Variants in ATP6V1B2 observed in about 807,000 individuals in gnomAD.
ATP6V1B2 encodes V-type proton ATPase subunit B, brain isoform.
A neutral mutation model predicts 66.7 loss-of-function variants in ATP6V1B2; 23 were observed. The observed-to-expected ratio is 0.34, with a 90% CI of 0.25 to 0.49. The LOEUF (loss-of-function observed/expected upper bound fraction) is 0.49. Among genes scored for constraint, ATP6V1B2 ranks in the 20% least tolerant of loss-of-function variants. The probability of loss-of-function intolerance (pLI) is 0.99; values close to 1 mark genes in which losing one functional copy is unlikely to be tolerated. For synonymous variants in ATP6V1B2, 278 were observed against 236.7 expected (o/e 1.17, Z -1.60); for missense variants, 478 against 650.8 (o/e 0.73, Z 2.89).
intron 1 of ATP6V1B2, among the ~76,000 whole-genome samples, chr8:20,203,767 A>T (rs2072709947): frequency 6.6e-6 from 1 of 152,110 alleles, no homozygotes; most frequent in Non-Finnish European, 1.5e-5. Flanking sequence ...TTAGCTGTTT[A>T]TTCCTAGGGC....
chr8:20,199,999 T>C (rs887782697), intron 1 of ATP6V1B2, among the ~76,000 whole-genome samples: 3 of 67,842 alleles, frequency 4.4e-5, no homozygotes, highest in African/African-American at 7.8e-5. Flanking sequence ...AGTTATTGTG[T>C]GTGTGTGTGT....
intron 13 of ATP6V1B2, among the ~76,000 whole-genome samples, 197 bp from the exon 14 acceptor site, chr8:20,220,066 C>G (rs1158806517): frequency 2.0e-5 from 3 of 152,156 alleles, no homozygotes; most frequent in Non-Finnish European, 4.4e-5. Flanking sequence ...GCCGCCTCTT[C>G]CCTCTTCTCT....
chr8:20,220,187 T>C, intron 13 of ATP6V1B2, 76 bp from the exon 14 acceptor site: 14 of 1,497,914 alleles, frequency 9.3e-6, no homozygotes, highest in Non-Finnish European at 7.2e-6. Context: ...CTGCTAGTCA[T>C]ATAACAATAC....
chr8:20,200,084 C>T lies in ATP6V1B2; in HGVS notation c.136+2542C>T, dbSNP rs142660610. 3.7e-4 allele frequency among the ~76,000 whole-genome samples: 57 copies of T among 152,096 alleles called. No individual in the cohort carries two copies. In the East Asian group the frequency reaches 9.7e-3, roughly 26 times the overall value. On this transcript the variant is annotated intron_variant, in intron 1 of 13. Coordinates refer to ENST00000276390, the MANE Select transcript of ATP6V1B2 (RefSeq NM_001693.4). Reference sequence around the variant, plus strand: ...GTGGTGTGAGCTCAGGTCACTGCAACCTCCACATCTCAGGCTCAAGCGATC... The same window carrying T: ...GTGGTGTGAGCTCAGGTCACTGCAATCTCCACATCTCAGGCTCAAGCGATC...
chr8:20,211,827 C>T lies in ATP6V1B2; in HGVS notation c.705+74C>T, dbSNP rs945760052. ...CGTGAGAACATTGTAGTAAGCTGTA[C>T]ATATATAGTTGAATTTTTCTTTAGG... On this transcript the variant is annotated intron_variant, in intron 7 of 13. Transcript: ENST00000276390. 1.3e-5 allele frequency: 16 copies of T among 1,193,122 alleles called. No individual in the cohort carries two copies. In the African/African-American group the frequency reaches 2.5e-4, roughly 19 times the overall value. 73.9% of individuals were successfully genotyped at this position (1,193,122 alleles called of 1,614,324 possible). A position where few individuals can be genotyped will look rare whatever the true frequency, so the allele number is the denominator to read the frequency against.
At chr8:20,214,559 A>G (rs575700274) in intron 9 of ATP6V1B2, 31 of 280,156 alleles carry the variant, frequency 1.1e-4, no homozygotes, top group South Asian at 5.9e-4. Context: ...ATTTTCTTCT[A>G]GCAAACTATT....
intron 1 of ATP6V1B2, among the ~76,000 whole-genome samples, chr8:20,202,295 G>C (rs2072695857): frequency 6.6e-6 from 1 of 152,198 alleles, no homozygotes; most frequent in African/African-American, 2.4e-5. Flanking sequence ...TACACATTCA[G>C]ATCCTTGGGC....
chr8:20,204,531 C>A lies in ATP6V1B2; in HGVS notation c.184C>A (p.His62Asn). 1 of 1,611,044 alleles carries A rather than the reference C, an allele frequency of 6.2e-7. No homozygotes were observed. Among genetic ancestry groups the A allele is most frequent in the Non-Finnish European group, 8.5e-7 (1 of 1,177,430 alleles). ...GVNGPLVILDHVKFPRYAEIV... is the reference protein window; with the variant it reads ...GVNGPLVILDNVKFPRYAEIV... The stretch of plus-strand genomic sequence containing the variant: ...CAATGGTCCACTAGTGATCTTAGAT[C>A]ATGTTAAGGTAATACCACTATCTGT... The change falls in exon 2 of 14, where the codon CAT (histidine) becomes AAT (asparagine). Residue 62 changes from histidine (H) to asparagine (N), a missense_variant. Coordinates refer to ENST00000276390, the MANE Select transcript of ATP6V1B2 (RefSeq NM_001693.4).
chr8:20,208,444 A>G (rs988238624), intron 2 of ATP6V1B2, among the ~76,000 whole-genome samples: 2 of 152,228 alleles, frequency 1.3e-5, no homozygotes, highest in Non-Finnish European at 2.9e-5. Context: ...ACACAAAATA[A>G]TGATGCATCT....
intron 9 of ATP6V1B2, 49 bp from the exon 10 acceptor site, chr8:20,214,769 G>A: frequency 6.6e-7 from 1 of 1,523,670 alleles, no homozygotes; most frequent in Middle Eastern, 2.2e-4. Context: ...TTGTAAGCAA[G>A]CTTGTTGTAA....
Position 20,206,635 on chromosome 8 carries a change from C to G in ATP6V1B2, c.192+2096C>G, listed in dbSNP as rs576047636. Among the ~76,000 whole-genome samples the G allele has an allele frequency of 1.8e-4, 27 of 152,252 alleles. No individual in the cohort carries two copies. The East Asian group carries it at 4.6e-3, about 26-fold the overall frequency. ...GAGTCCCGAGCACAGAAGCTTCTGT[C>G]CCCGTGGAGCTGGGGTGGACCACCT... On this transcript the variant is annotated intron_variant, in intron 2 of 13. Transcript: ENST00000276390.
At chr8:20,203,716 G>A (rs1386240331) in intron 1 of ATP6V1B2, among the ~76,000 whole-genome samples, 1 of 152,174 alleles carries the variant, frequency 6.6e-6, no homozygotes, top group Admixed American at 6.5e-5. Flanking sequence ...CCATGCAGGT[G>A]TGATAGGTGA....
intron 1 of ATP6V1B2, among the ~76,000 whole-genome samples, chr8:20,201,568 T>C (rs2072687987): frequency 6.6e-6 from 1 of 152,166 alleles, no homozygotes; most frequent in South Asian, 2.1e-4. Flanking sequence ...CTCCATACTT[T>C]TTAATTGTAC....
In ATP6V1B2 at chr8:20,209,384, G is replaced by A. The variant is rs138805885; in HGVS notation, c.193-49G>A. The stretch of plus-strand genomic sequence containing the variant: ...GAGACAGAGCATGTGTAGTAATTTG[G>A]GGGGCTTGTAAAATGTCGGATATTG... On this transcript the variant is annotated intron_variant, in intron 2 of 13. Coordinates refer to ENST00000276390, the MANE Select transcript of ATP6V1B2 (RefSeq NM_001693.4). The A allele has an allele frequency of 3.2e-6, 5 of 1,549,816 alleles. No homozygotes were observed. The Admixed American group carries it at 6.7e-5, about 21-fold the overall frequency.
intron 9 of ATP6V1B2, 138 bp downstream of exon 9, chr8:20,213,043 GA>G: frequency 8.3e-7 from 1 of 1,199,968 alleles, no homozygotes; most frequent in South Asian, 1.4e-5. Flanking sequence ...TAATAAATCA[GA>G]AAGGAAACTA....
intron 1 of ATP6V1B2, among the ~76,000 whole-genome samples, chr8:20,197,793 A>G (rs1453753030): frequency 3.3e-5 from 5 of 151,332 alleles, no homozygotes; most frequent in Non-Finnish European, 5.9e-5. Flanking sequence ...CTGTTGCCCT[A>G]CCCCCTCCCC....
At chr8:20,209,191 T>G (rs2072767939) in intron 2 of ATP6V1B2, among the ~76,000 whole-genome samples, 1 of 152,156 alleles carries the variant, frequency 6.6e-6, no homozygotes, top group African/African-American at 2.4e-5. Flanking sequence ...AATTCCCATG[T>G]TTTCATGGAT....
intron 1 of ATP6V1B2, among the ~76,000 whole-genome samples, chr8:20,199,006 G>C (rs1267722518): frequency 2.6e-5 from 4 of 152,192 alleles, no homozygotes; most frequent in Non-Finnish European, 4.4e-5. Context: ...AGAACAGATA[G>C]ACATTAGTGG....
chr8:20,214,609 CT>C, intron 9 of ATP6V1B2: 1 of 438,166 alleles, frequency 2.3e-6, no homozygotes, highest in Non-Finnish European at 3.7e-6. Context: ...TAGCAAAAAC[CT>C]TCTGGTGCCC....
Sources: gnomAD v4.1 joint callset for allele counts (sites outside exome capture counted in the v4.1 genomes callset) on GRCh38, gnomAD v4.1.1 for gene constraint, MANE v1.5 for transcripts, NCBI Gene and HGNC (gene_info 2026-07-23, HGNC 2026-07-21) for gene names.